Variants in NMNAT3 observed in about 807,000 individuals in gnomAD.
The protein encoded by NMNAT3 is nicotinamide/nicotinic acid mononucleotide adenylyltransferase 3.
A neutral mutation model predicts 24.8 loss-of-function variants in NMNAT3; 21 were observed. The observed-to-expected ratio is 0.85, with a 90% CI of 0.60 to 1.22. The LOEUF (loss-of-function observed/expected upper bound fraction) is 1.22, where lower values mean the gene tolerates loss of function less well. Ranked by LOEUF, NMNAT3 falls within the 50% of genes most tolerant of loss-of-function variation. The probability of loss-of-function intolerance (pLI) is 0.00; values close to 1 mark genes in which losing one functional copy is unlikely to be tolerated. For missense variants in NMNAT3, 387 were observed against 436.6 expected, an observed-to-expected ratio of 0.89 and a Z score of 1.01; for synonymous variants, 136 against 155.2, an observed-to-expected ratio of 0.88 and a Z score of 0.92.
intron 1 of NMNAT3, among the ~76,000 whole-genome samples, chr3:139,658,607 A>AT (rs1213993205): frequency 6.6e-6 from 1 of 152,108 alleles, no homozygotes; most frequent in Non-Finnish European, 1.5e-5. Flanking sequence ...TCTACCATTA[A>AT]TTTTTTACTG....
intron 4 of NMNAT3, among the ~76,000 whole-genome samples, chr3:139,581,852 T>TA (rs1211766083): frequency 1.3e-5 from 2 of 152,068 alleles, no homozygotes; most frequent in African/African-American, 4.8e-5. Context: ...TCTTGAAACA[T>TA]ACGTAGTTTA....
intron 2 of NMNAT3, chr3:139,636,808 A>G (rs2108342179): frequency 6.6e-6 from 1 of 152,354 alleles, no homozygotes; most frequent in Admixed American, 6.5e-5. Context: ...TCAAGCCAGC[A>G]TCTCTGAACC....
chr3:139,601,702 G>T (rs2054724150), intron 3 of NMNAT3, among the ~76,000 whole-genome samples: 1 of 152,198 alleles, frequency 6.6e-6, no homozygotes, highest in African/African-American at 2.4e-5. Context: ...GGATGGGGTT[G>T]GGGGTGGGGG....
intron 1 of NMNAT3, among the ~76,000 whole-genome samples, chr3:139,664,268 A>G (rs1340789428): frequency 6.6e-6 from 1 of 152,200 alleles, no homozygotes; most frequent in Non-Finnish European, 1.5e-5. Flanking sequence ...TCAAATTTTG[A>G]ATCACCATCC....
At chr3:139,586,794 C>T (rs1046241901) in intron 3 of NMNAT3, among the ~76,000 whole-genome samples, 8 of 152,148 alleles carry the variant, frequency 5.3e-5, no homozygotes, top group African/African-American at 1.9e-4. Flanking sequence ...GCCCACAGAG[C>T]AGTAAAAAGA....
At chr3:139,602,107 A>G (rs933045538) in intron 3 of NMNAT3, among the ~76,000 whole-genome samples, 2 of 152,202 alleles carry the variant, frequency 1.3e-5, no homozygotes, top group African/African-American at 4.8e-5. Context: ...TAGGTCATGG[A>G]GTTAAATGCT....
At chr3:139,654,758 A>G (rs2057180028) in intron 1 of NMNAT3, among the ~76,000 whole-genome samples, 1 of 152,268 alleles carries the variant, frequency 6.6e-6, no homozygotes, top group South Asian at 2.1e-4. Flanking sequence ...CTTTTCAAAG[A>G]CAAACTTTAA....
At chr3:139,606,928 T>C (rs1456085527) in intron 3 of NMNAT3, among the ~76,000 whole-genome samples, 1 of 152,124 alleles carries the variant, frequency 6.6e-6, no homozygotes, top group Non-Finnish European at 1.5e-5. Flanking sequence ...TCTCCCATCA[T>C]TTAAGCATTT....
intron 1 of NMNAT3, among the ~76,000 whole-genome samples, chr3:139,651,006 C>A (rs933520316): frequency 6.6e-6 from 1 of 152,170 alleles, no homozygotes; most frequent in Admixed American, 6.5e-5. Context: ...AATATAAAAT[C>A]TTCCTTACTT....
At chr3:139,623,412 C>T (rs1422554939) in intron 3 of NMNAT3, among the ~76,000 whole-genome samples, 1 of 152,162 alleles carries the variant, frequency 6.6e-6, no homozygotes, top group African/African-American at 2.4e-5. Context: ...TCTGAAGGAG[C>T]TGCCTGAGGC....
chr3:139,574,410 A>C (rs1938970787), intron 5 of NMNAT3, among the ~76,000 whole-genome samples: 1 of 152,254 alleles, frequency 6.6e-6, no homozygotes, highest in East Asian at 1.9e-4. Context: ...CACAAAGTGC[A>C]CTGGGCATTT....
intron 2 of NMNAT3, among the ~76,000 whole-genome samples, chr3:139,630,639 G>A (rs2056255648): frequency 1.3e-5 from 2 of 152,172 alleles, no homozygotes. Context: ...GGCACTGGCA[G>A]GCTGGAGGGC....
chr3:139,652,436 A>G (rs1027398131), intron 1 of NMNAT3, among the ~76,000 whole-genome samples: 2 of 152,212 alleles, frequency 1.3e-5, no homozygotes, highest in Non-Finnish European at 2.9e-5. Flanking sequence ...GACTTAGAGA[A>G]CTGAACTTGT....
chr3:139,626,468 G>T (rs2056055924), intron 3 of NMNAT3, among the ~76,000 whole-genome samples: 1 of 151,806 alleles, frequency 6.6e-6, no homozygotes, highest in African/African-American at 2.4e-5. Flanking sequence ...CTTTTATATT[G>T]TCCATATCTC....
chr3:139,621,528 T>C (rs976110733), intron 3 of NMNAT3, among the ~76,000 whole-genome samples: 1 of 152,180 alleles, frequency 6.6e-6, no homozygotes, highest in African/African-American at 2.4e-5. Flanking sequence ...TGTACCACCA[T>C]GTCCAGCTAA....
At chr3:139,639,213 A>G (rs2056613672) in intron 1 of NMNAT3, among the ~76,000 whole-genome samples, 1 of 152,278 alleles carries the variant, frequency 6.6e-6, no homozygotes, top group South Asian at 2.1e-4. Flanking sequence ...TTTGTATCCT[A>G]CACTCCAAGC....
chr3:139,583,387 G>A, intron 3 of NMNAT3: 1 of 1,565,542 alleles, frequency 6.4e-7, no homozygotes, highest in South Asian at 1.1e-5. Flanking sequence ...AACATGTAGA[G>A]CAGTAGAACA....
At position 139,674,730 on chromosome 3, in the gene NMNAT3, G is replaced by A. The variant is rs564178133; in HGVS notation, c.-141+2975C>T. On this transcript the variant is annotated intron_variant, in intron 1 of 6. Coordinates refer to ENST00000643695, the MANE Select transcript of NMNAT3 (RefSeq NM_001320510.2). Reference sequence around the variant, plus strand: ...GCAGAGTGCCTTTGCTTCCAGATGGGACTCAGTTCAGAATCCATGCCACCC... The same window carrying A: ...GCAGAGTGCCTTTGCTTCCAGATGGAACTCAGTTCAGAATCCATGCCACCC... 5.9e-5 allele frequency among the ~76,000 whole-genome samples: 9 copies of A among 152,192 alleles called. No individual in the cohort carries two copies. The South Asian group carries it at 1.2e-3, about 21-fold the overall frequency.
chr3:139,647,240 T>C (rs2056901168), intron 1 of NMNAT3, among the ~76,000 whole-genome samples: 1 of 152,228 alleles, frequency 6.6e-6, no homozygotes, highest in African/African-American at 2.4e-5. Flanking sequence ...AGCCAGAGAT[T>C]TTCTGTCTGA....
Sources: gnomAD v4.1 joint callset for allele counts (sites outside exome capture counted in the v4.1 genomes callset) on GRCh38, gnomAD v4.1.1 for gene constraint, MANE v1.5 for transcripts, NCBI Gene and HGNC (gene_info 2026-07-23, HGNC 2026-07-21) for gene names.